The following SUSD4 variants were observed in gnomAD, a reference collection of about 807,000 sequenced individuals.
SUSD4 encodes sushi domain containing 4, also known as sushi domain-containing protein 4.
In SUSD4, 41 loss-of-function variants were observed where a neutral mutation model predicts 50.5. The ratio of observed to expected loss-of-function variants is 0.81; its 90% CI spans 0.63 to 1.05. The LOEUF (loss-of-function observed/expected upper bound fraction) is 1.05. Among genes scored for constraint, SUSD4 ranks in the 50% least tolerant of loss-of-function variants. The probability of loss-of-function intolerance (pLI) is 0.00; values close to 1 mark genes in which losing one functional copy is unlikely to be tolerated. For synonymous variants in SUSD4, 257 were observed against 257.3 expected, an observed-to-expected ratio of 1.00 and a Z score of 0.01; for missense variants, 580 against 634.7, an observed-to-expected ratio of 0.91 and a Z score of 0.93.
intron 3 of SUSD4, among the ~76,000 whole-genome samples, chr1:223,276,357 A>G (rs957310341): frequency 6.6e-6 from 1 of 152,214 alleles, no homozygotes. Context: ...CTGTACAGAA[A>G]GAGTGAGGTC....
intron 7 of SUSD4, among the ~76,000 whole-genome samples, chr1:223,224,796 C>T (rs919954595): frequency 4.6e-5 from 7 of 151,760 alleles, no homozygotes; most frequent in African/African-American, 7.3e-5. Context: ...GACCCCCATA[C>T]TCTGCTCCTG....
rs2103003028 is a variant in SUSD4 at position 223,231,056 on chromosome 1, G to A, written c.725-1668C>T. ...AGAGCAGGAAGCCACTACCGCTCCT[G>A]GGCTGGTGGGATGAAGGGGTCTCGT... On this transcript the variant is annotated intron_variant, in intron 5 of 8. Coordinates refer to ENST00000366878, the MANE Select transcript of SUSD4 (RefSeq NM_017982.4). This position sits in a 1 kb window ranked among gnomAD's most constrained non-coding sequence, Gnocchi z 4.2. 6.6e-6 allele frequency among the ~76,000 whole-genome samples: 1 copy of A among 152,266 alleles called. No homozygotes were observed. Among genetic ancestry groups the A allele is most frequent in the South Asian group, 2.1e-4 (1 of 4,814 alleles).
At chr1:223,323,923 T>A (rs545200426) in intron 2 of SUSD4, among the ~76,000 whole-genome samples, 13 of 150,470 alleles carry the variant, frequency 8.6e-5, no homozygotes, top group East Asian at 2.0e-4. Flanking sequence ...CCAATTATTT[T>A]AAAAAAAAAG....
intron 4 of SUSD4, 114 bp downstream of exon 4, chr1:223,268,387 CT>C: frequency 1.4e-6 from 2 of 1,384,252 alleles, no homozygotes; most frequent in Non-Finnish European, 1.9e-6. Context: ...GGGTAGATGG[CT>C]TTGTTCATTT....
intron 7 of SUSD4, among the ~76,000 whole-genome samples, chr1:223,226,416 C>T (rs78965738): frequency 1.9e-4 from 29 of 152,184 alleles, no homozygotes; most frequent in Non-Finnish European, 3.4e-4. Flanking sequence ...GAGGGATGCA[C>T]CTATCAGGTT....
At chr1:223,236,590 G>T (rs1370805858) in intron 5 of SUSD4, among the ~76,000 whole-genome samples, 2 of 150,900 alleles carry the variant, frequency 1.3e-5, no homozygotes, top group African/African-American at 2.4e-5. Flanking sequence ...AATAGTTCCA[G>T]CATTATTTGT....
chr1:223,255,441 GA>G (rs1295692072), intron 5 of SUSD4, among the ~76,000 whole-genome samples: 2 of 152,198 alleles, frequency 1.3e-5, no homozygotes, highest in African/African-American at 2.4e-5. Flanking sequence ...TAAGGAGGCA[GA>G]ACCCGATGTA....
intron 2 of SUSD4, among the ~76,000 whole-genome samples, chr1:223,298,744 T>C (rs983668193): frequency 6.6e-6 from 1 of 152,206 alleles, no homozygotes; most frequent in Non-Finnish European, 1.5e-5. Flanking sequence ...AAATAAATGA[T>C]GAGAGTTTCA....
At chr1:223,345,295 T>C (rs1019938974) in intron 2 of SUSD4, among the ~76,000 whole-genome samples, 6 of 152,136 alleles carry the variant, frequency 3.9e-5, no homozygotes, top group Non-Finnish European at 5.9e-5. Context: ...CTGGCTTTGG[T>C]AATGCTGTAT....
intron 2 of SUSD4, among the ~76,000 whole-genome samples, chr1:223,300,090 C>A (rs539805325): frequency 1.3e-5 from 2 of 152,264 alleles, no homozygotes; most frequent in Non-Finnish European, 2.9e-5. Context: ...TTCTGGTAAG[C>A]AGTCATCTAG....
rs1659615606 is a variant in SUSD4, at chr1:223,227,761, G to A, written c.917-23C>T. The A allele has an allele frequency of 3.1e-6, 5 of 1,590,652 alleles. No homozygotes were observed. Among genetic ancestry groups the A allele is most frequent in the Non-Finnish European group, 3.4e-6 (4 of 1,164,826 alleles). On this transcript the variant is annotated intron_variant, in intron 6 of 8. Coordinates refer to ENST00000366878, the MANE Select transcript of SUSD4 (RefSeq NM_017982.4). The surrounding 1 kb of genome is among the most constrained non-coding windows in gnomAD (Gnocchi z 4.5). The stretch of plus-strand genomic sequence containing the variant: ...GCTCTGCATGAGGGAGAACAAAGCT[G>A]TACGTGAGGCTCCCAGACCATGAGA...
chr1:223,283,374 C>T (rs7518292), intron 3 of SUSD4, among the ~76,000 whole-genome samples: 1 of 151,872 alleles, frequency 6.6e-6, no homozygotes, highest in African/African-American at 2.4e-5. Context: ...ATAAATGAAA[C>T]AAATTTACAA....
In SUSD4 at chr1:223,338,820, T is replaced by TTTTAGATCTGAGGG. The variant is rs1260084254; in HGVS notation, c.148+24457_148+24458insCCCTCAGATCTAAA. Among the ~76,000 whole-genome samples the TTTTAGATCTGAGGG allele has an allele frequency of 2.6e-5, 4 of 152,184 alleles. No individual in the cohort carries two copies. In the East Asian group the frequency reaches 7.7e-4, roughly 29 times the overall value. On this transcript the variant is annotated intron_variant, in intron 2 of 8. Transcript: ENST00000366878. ...GGAGAGGCAATCTGAGGGAAGAATA[T>TTTTAGATCTGAGGG]AACTGTTTTAGACAAGCTGAGATAT...
chr1:223,263,738 T>A (rs1252898624), intron 5 of SUSD4: 1 of 985,322 alleles, frequency 1.0e-6, no homozygotes, highest in Non-Finnish European at 1.2e-6. Flanking sequence ...CTACCCTGAC[T>A]TCCTCCCACA....
intron 2 of SUSD4, among the ~76,000 whole-genome samples, chr1:223,299,999 A>G (rs988557706): frequency 2.0e-5 from 3 of 152,178 alleles, no homozygotes; most frequent in Admixed American, 6.5e-5. Context: ...TAAAAATACT[A>G]GAGTACTTTA....
intron 3 of SUSD4, among the ~76,000 whole-genome samples, chr1:223,275,435 G>A (rs1663189784): frequency 6.6e-6 from 1 of 152,158 alleles, no homozygotes; most frequent in African/African-American, 2.4e-5. Flanking sequence ...CAACAACAAG[G>A]AAGTGACAGA....
At chr1:223,233,368 A>G (rs1471554537) in intron 5 of SUSD4, among the ~76,000 whole-genome samples, 1 of 152,206 alleles carries the variant, frequency 6.6e-6, no homozygotes, top group Non-Finnish European at 1.5e-5. Flanking sequence ...AAACAACAAC[A>G]AAAGTATTAT....
intron 4 of SUSD4, among the ~76,000 whole-genome samples, chr1:223,265,824 G>A (rs186139943): frequency 6.6e-6 from 1 of 152,212 alleles, no homozygotes; most frequent in East Asian, 1.9e-4. Flanking sequence ...CAGAGCCGGT[G>A]TTCTTCCAGG....
chr1:223,274,952 A>G (rs1663157714), intron 3 of SUSD4, among the ~76,000 whole-genome samples: 1 of 152,240 alleles, frequency 6.6e-6, no homozygotes, highest in East Asian at 1.9e-4. Flanking sequence ...GTACCTTTCT[A>G]AACAACCTAT....
Sources: gnomAD v4.1 joint callset for allele counts (sites outside exome capture counted in the v4.1 genomes callset) on GRCh38, gnomAD v4.1.1 for gene constraint, Gnocchi (gnomAD v3.1) non-coding constraint, MANE v1.5 for transcripts, NCBI Gene and HGNC (gene_info 2026-07-23, HGNC 2026-07-21) for gene names.